The following RHOT1 variants were observed in gnomAD, a reference collection of about 807,000 sequenced individuals.
The protein encoded by RHOT1 is mitochondrial Rho GTPase 1.
RHOT1 carries 27 observed loss-of-function variants against 95.3 expected under a neutral mutation model. The observed-to-expected ratio is 0.28, with a 90% CI of 0.21 to 0.39. The LOEUF (loss-of-function observed/expected upper bound fraction) is 0.39. RHOT1 is among the 10% of genes least tolerant of loss of function. The pLI is 1.00. For missense variants in RHOT1, 578 were observed against 786.7 expected (o/e 0.73, Z 3.17); for synonymous variants, 227 against 263.5 (o/e 0.86, Z 1.34).
chr17:32,212,215 A>G (rs930927399), intron 19 of RHOT1, among the ~76,000 whole-genome samples: 17 of 152,230 alleles, frequency 1.1e-4, no homozygotes, highest in Admixed American at 8.5e-4. Flanking sequence ...TCAAATGACC[A>G]TAGTTTGTAT....
intron 12 of RHOT1, 92 bp downstream of exon 12, chr17:32,199,123 G>A: frequency 9.9e-7 from 1 of 1,013,172 alleles, no homozygotes; most frequent in Non-Finnish European, 1.5e-6. Flanking sequence ...GGATGTGTAT[G>A]TTACATAGCC....
intron 2 of RHOT1, among the ~76,000 whole-genome samples, chr17:32,173,316 C>G (rs550485383): frequency 6.3e-4 from 96 of 152,176 alleles, no homozygotes; most frequent in Non-Finnish European, 1.1e-3. Context: ...TTGCATTATA[C>G]TTACCAGTTG....
At chr17:32,222,103 A>G (rs2038871459) in intron 19 of RHOT1, among the ~76,000 whole-genome samples, 1 of 152,236 alleles carries the variant, frequency 6.6e-6, no homozygotes, top group Non-Finnish European at 1.5e-5. Flanking sequence ...ATGTAAAAAT[A>G]AGATAAAAAA....
intron 2 of RHOT1, 74 bp downstream of exon 2, chr17:32,171,175 C>T (rs536153523): frequency 5.6e-5 from 59 of 1,050,522 alleles, no homozygotes; most frequent in African/African-American, 5.3e-4. Flanking sequence ...TGAATTCTGT[C>T]TCTTTTGGCA....
intron 19 of RHOT1, among the ~76,000 whole-genome samples, chr17:32,219,460 A>AATTAATTAAAAGT (rs1189442441): frequency 6.6e-6 from 1 of 152,152 alleles, no homozygotes; most frequent in African/African-American, 2.4e-5. Context: ...TAAGTTGCAG[A>AATTAATTAAAAGT]ATTAATTAAA....
chr17:32,193,110 A>T (rs777513662), intron 9 of RHOT1, 26 bp from the exon 10 acceptor site: 1 of 1,426,836 alleles, frequency 7.0e-7, no homozygotes, highest in Non-Finnish European at 9.8e-7. Context: ...GTTTGTTTTT[A>T]AATATATTTT....
intron 13 of RHOT1, 52 bp from the exon 14 acceptor site, chr17:32,200,904 C>T: frequency 8.1e-6 from 11 of 1,354,758 alleles, no homozygotes; most frequent in African/African-American, 1.5e-5. Flanking sequence ...TTTTTTTCCC[C>T]ATAAATATTC....
intron 19 of RHOT1, among the ~76,000 whole-genome samples, chr17:32,214,588 G>A (rs2038336236): frequency 6.6e-6 from 1 of 152,102 alleles, no homozygotes; most frequent in Admixed American, 6.5e-5. Context: ...CCTTTCCCAT[G>A]AAAAATTTGA....
intron 1 of RHOT1, among the ~76,000 whole-genome samples, chr17:32,144,504 G>A (rs1370532357): frequency 6.6e-6 from 1 of 151,900 alleles, no homozygotes; most frequent in Non-Finnish European, 1.5e-5. Context: ...GCTGAGACAT[G>A]CCAGCCTGGG....
intron 6 of RHOT1, among the ~76,000 whole-genome samples, chr17:32,181,730 A>T (rs1321077750): frequency 1.3e-5 from 2 of 152,188 alleles, no homozygotes; most frequent in Non-Finnish European, 2.9e-5. Context: ...TCTAAAAATC[A>T]CTGCATTTAA....
chr17:32,165,292 G>A (rs111846678), intron 1 of RHOT1, among the ~76,000 whole-genome samples: 269 of 136,980 alleles, frequency 2.0e-3, no homozygotes, highest in African/African-American at 5.0e-3. Flanking sequence ...AGCCGAAATC[G>A]CGCCACTGCA....
chr17:32,191,945 A>C lies in RHOT1; in HGVS notation c.541-256A>C, dbSNP rs139224515. On this transcript the variant is annotated intron_variant, in intron 8 of 19. Coordinates refer to ENST00000545287, the MANE Select transcript of RHOT1 (RefSeq NM_001033566.3). ...GACTAGAAAAATGAATCCCTCCTAAAGATGAACTTCTCTTTTCCCTGTTCT... is the reference window on the plus strand; with the variant it reads ...GACTAGAAAAATGAATCCCTCCTAACGATGAACTTCTCTTTTCCCTGTTCT... 3.3e-5 allele frequency among the ~76,000 whole-genome samples: 5 copies of C among 152,316 alleles called. No individual in the cohort carries two copies. In the East Asian group the frequency reaches 9.6e-4, roughly 29 times the overall value.
At chr17:32,185,446 C>T (rs1007098773) in intron 8 of RHOT1, among the ~76,000 whole-genome samples, 15 of 151,988 alleles carry the variant, frequency 9.9e-5, no homozygotes, top group African/African-American at 3.4e-4. Flanking sequence ...CTTACTCTAT[C>T]GCCCAGGCTA....
intron 14 of RHOT1, among the ~76,000 whole-genome samples, chr17:32,201,615 T>G (rs916545806): frequency 6.6e-5 from 10 of 152,210 alleles, no homozygotes; most frequent in Non-Finnish European, 1.3e-4. Context: ...TTTAAAATAC[T>G]TAACCAATTA....
chr17:32,189,551 C>T (rs1437524111), intron 8 of RHOT1, among the ~76,000 whole-genome samples: 2 of 152,032 alleles, frequency 1.3e-5, no homozygotes, highest in Non-Finnish European at 2.9e-5. Context: ...AATCCCTCAT[C>T]CCCACCCCCA....
At chr17:32,173,391 T>G (rs779011190) in intron 2 of RHOT1, among the ~76,000 whole-genome samples, 33 of 152,314 alleles carry the variant, frequency 2.2e-4, no homozygotes, top group Non-Finnish European at 3.8e-4. Flanking sequence ...ATCATGTTAG[T>G]GCTAAAAAGT....
intron 15 of RHOT1, among the ~76,000 whole-genome samples, chr17:32,203,186 A>G (rs2037447275): frequency 6.6e-6 from 1 of 151,378 alleles, no homozygotes; most frequent in African/African-American, 2.4e-5. Flanking sequence ...CACAGTAAAT[A>G]TTTTGAATTG....
chr17:32,209,117 C>A, intron 18 of RHOT1: 1 of 259,130 alleles, frequency 3.9e-6, no homozygotes, highest in South Asian at 1.1e-4. Context: ...GAGTAATAAT[C>A]AAACATTGCT....
At chr17:32,205,605 C>T (rs1041484407) in intron 16 of RHOT1, among the ~76,000 whole-genome samples, 3 of 149,884 alleles carry the variant, frequency 2.0e-5, no homozygotes, top group African/African-American at 7.6e-5. Flanking sequence ...AAAAAAAGTA[C>T]AAAAGAAGAG....
Sources: gnomAD v4.1 joint callset for allele counts (sites outside exome capture counted in the v4.1 genomes callset) on GRCh38, gnomAD v4.1.1 for gene constraint, MANE v1.5 for transcripts, NCBI Gene and HGNC (gene_info 2026-07-23, HGNC 2026-07-21) for gene names.